The following ATP8A1 variants were observed in gnomAD, a reference collection of about 807,000 sequenced individuals.
ATP8A1 encodes phospholipid-transporting ATPase IA.
ATP8A1 carries 90 observed loss-of-function variants against 177.7 expected under a neutral mutation model. That is an observed-to-expected ratio of 0.51 (90% CI 0.43 to 0.60). The LOEUF (loss-of-function observed/expected upper bound fraction) is 0.60. Among genes scored for constraint, ATP8A1 ranks in the 20% least tolerant of loss-of-function variants. ATP8A1 has a pLI of 0.00. For missense variants in ATP8A1, 1,072 were observed against 1,392.8 expected (o/e 0.77, Z 3.67); for synonymous variants, 493 against 485.9 (o/e 1.01, Z -0.19).
chr4:42,617,025 A>G (rs1736988417), intron 4 of ATP8A1, among the ~76,000 whole-genome samples: 1 of 152,260 alleles, frequency 6.6e-6, no homozygotes, highest in Non-Finnish European at 1.5e-5. Context: ...AGTTGAATAT[A>G]GTTGTGCGTA....
chr4:42,488,430 G>A (rs1722415159), intron 24 of ATP8A1, among the ~76,000 whole-genome samples: 2 of 151,772 alleles, frequency 1.3e-5, no homozygotes, highest in African/African-American at 4.8e-5. Flanking sequence ...ACTTCAGACA[G>A]TACCAGGCGC....
intron 35 of ATP8A1, among the ~76,000 whole-genome samples, chr4:42,421,095 C>T (rs867538973): frequency 2.5e-4 from 38 of 152,152 alleles, no homozygotes; most frequent in African/African-American, 9.2e-4. Flanking sequence ...CTTTTTATCG[C>T]TAGAGAAAGA....
chr4:42,491,950 C>T (rs1722781484), intron 24 of ATP8A1, among the ~76,000 whole-genome samples: 1 of 152,138 alleles, frequency 6.6e-6, no homozygotes, highest in South Asian at 2.1e-4. Flanking sequence ...GCCAGGGGTT[C>T]ACAGAGCAGA....
intron 19 of ATP8A1, among the ~76,000 whole-genome samples, chr4:42,548,546 T>C (rs1443430348): frequency 6.6e-6 from 1 of 152,238 alleles, no homozygotes; most frequent in Non-Finnish European, 1.5e-5. Flanking sequence ...CTTGTATGTC[T>C]GGGAACATTT....
At chr4:42,545,159 CAAAAAA>C (rs150594728) in intron 19 of ATP8A1, among the ~76,000 whole-genome samples, 1 of 83,694 alleles carries the variant, frequency 1.2e-5, no homozygotes, top group Admixed American at 1.2e-4. Flanking sequence ...GACTCCGTCT[CAAAAAA>C]AAAAAAAAAA....
chr4:42,553,445 G>A (rs1025628208), intron 16 of ATP8A1, among the ~76,000 whole-genome samples: 3 of 152,252 alleles, frequency 2.0e-5, no homozygotes, highest in Admixed American at 1.3e-4. Flanking sequence ...CAACTCCTAT[G>A]TCCAGGGGAC....
At chr4:42,542,330 G>A (rs992473422) in intron 20 of ATP8A1, among the ~76,000 whole-genome samples, 2 of 151,946 alleles carry the variant, frequency 1.3e-5, no homozygotes, top group Non-Finnish European at 2.9e-5. Flanking sequence ...CAAGTTTCTA[G>A]GTAGAAGATG....
chr4:42,636,155 C>CGCGCGCG (rs1577750236), intron 1 of ATP8A1, among the ~76,000 whole-genome samples: 1 of 34,558 alleles, frequency 2.9e-5, no homozygotes, highest in African/African-American at 1.2e-4. Flanking sequence ...CACACACACA[C>CGCGCGCG]ACGCACACAC....
intron 16 of ATP8A1, among the ~76,000 whole-genome samples, chr4:42,553,743 T>C (rs969357742): frequency 6.6e-6 from 1 of 152,076 alleles, no homozygotes; most frequent in African/African-American, 2.4e-5. Context: ...AAGCTTGGCG[T>C]TGTGGGGAAG....
intron 12 of ATP8A1, among the ~76,000 whole-genome samples, chr4:42,576,332 C>T (rs561211676): frequency 3.4e-4 from 52 of 151,626 alleles, no homozygotes; most frequent in Middle Eastern, 3.4e-3. Context: ...AAAAATCAGC[C>T]GGGAGTGGTG....
intron 6 of ATP8A1, among the ~76,000 whole-genome samples, chr4:42,593,221 G>A (rs1465555575): frequency 6.6e-6 from 1 of 152,024 alleles, no homozygotes; most frequent in Non-Finnish European, 1.5e-5. Context: ...ATGACAATAA[G>A]CTCTCCCTCA....
Position 42,627,002 on chromosome 4 carries a change from G to A in ATP8A1, c.157C>T (p.His53Tyr), listed in dbSNP as rs749336580. The part of the protein sequence containing the change: ...QPQLTKFCNN[H>Y]VSTAKYNIIT... Reference sequence around the variant, plus strand: ...TTCTTTGGTAGTTCTTACCTGACATGGTTATTGCAGAATTTTGTCAGCTGG... The same window carrying A: ...TTCTTTGGTAGTTCTTACCTGACATAGTTATTGCAGAATTTTGTCAGCTGG... The change falls in exon 2 of 37, where the codon CAT becomes TAT. Residue 53 changes from histidine (H) to tyrosine (Y), a missense_variant. Around this residue, in one of 5 missense-constraint regions of ATP8A1, gnomAD observed 344 missense variants for 393.5 expected, o/e 0.87. Transcript: ENST00000381668. The A allele has an allele frequency of 2.5e-6, 4 of 1,613,270 alleles. No individual in the cohort carries two copies. The highest frequency in any genetic ancestry group is 3.4e-6 in the Non-Finnish European group (4 of 1,179,372).
intron 27 of ATP8A1, among the ~76,000 whole-genome samples, chr4:42,462,746 G>T (rs1719308880): frequency 6.6e-6 from 1 of 152,228 alleles, no homozygotes; most frequent in African/African-American, 2.4e-5. Context: ...TCCACTGACT[G>T]CATTGTGCAC....
intron 25 of ATP8A1, among the ~76,000 whole-genome samples, chr4:42,481,946 C>T (rs1721713340): frequency 6.6e-6 from 1 of 152,112 alleles, no homozygotes; most frequent in African/African-American, 2.4e-5. Context: ...AAATTAGATG[C>T]ATTCAGGTTA....
chr4:42,580,520 C>A (rs1383111830), intron 10 of ATP8A1, among the ~76,000 whole-genome samples: 2 of 152,144 alleles, frequency 1.3e-5, no homozygotes, highest in Admixed American at 1.3e-4. Flanking sequence ...GGCAAGTTGC[C>A]TCAGTTGTAT....
chr4:42,439,100 A>AT (rs1385986971), intron 33 of ATP8A1, among the ~76,000 whole-genome samples: 4 of 152,222 alleles, frequency 2.6e-5, no homozygotes, highest in Non-Finnish European at 5.9e-5. Context: ...ATATAGAAGC[A>AT]TGAGACCTGT....
At chr4:42,536,050 G>C (rs912956189) in intron 20 of ATP8A1, among the ~76,000 whole-genome samples, 2 of 152,078 alleles carry the variant, frequency 1.3e-5, no homozygotes, top group African/African-American at 4.8e-5. Flanking sequence ...ACACCTCAAG[G>C]AACTAGGGGA....
intron 15 of ATP8A1, among the ~76,000 whole-genome samples, chr4:42,564,624 G>A (rs546074333): frequency 2.0e-5 from 3 of 152,320 alleles, no homozygotes; most frequent in Non-Finnish European, 2.9e-5. Flanking sequence ...TTTATCCCAT[G>A]CCTATACTCC....
At chr4:42,554,289 G>C (rs139576242) in intron 16 of ATP8A1, among the ~76,000 whole-genome samples, 117 of 152,288 alleles carry the variant, frequency 7.7e-4, no homozygotes, top group African/African-American at 2.7e-3. Context: ...ACCCAAGATA[G>C]ATTCTAGCAA....
Sources: allele counts gnomAD v4.1 joint callset (sites outside exome capture counted in the v4.1 genomes callset), GRCh38; gene constraint gnomAD v4.1.1; regional missense constraint gnomAD v4.1.1; transcripts MANE v1.5; gene names NCBI Gene and HGNC (gene_info 2026-07-23, HGNC 2026-07-21).